Variants in SBK1 observed in about 807,000 individuals in gnomAD.
The protein encoded by SBK1 is SH3 domain binding kinase 1, also known as serine/threonine-protein kinase SBK1.
A neutral mutation model predicts 24.4 loss-of-function variants in SBK1; 11 were observed. The ratio of observed to expected loss-of-function variants is 0.45; its 90% CI spans 0.28 to 0.75. The LOEUF (loss-of-function observed/expected upper bound fraction) is 0.75, where lower values mean the gene tolerates loss of function less well. Ranked by LOEUF, SBK1 falls within the 30% of genes least tolerant of loss-of-function variation. SBK1 has a pLI of 0.12. For synonymous variants in SBK1, 308 were observed against 284.4 expected (o/e 1.08, Z -0.83); for missense variants, 467 against 620.5 (o/e 0.75, Z 2.63).
intron 1 of SBK1, among the ~76,000 whole-genome samples, chr16:28,280,149 A>ATATATATATATATATATATG (rs1230385223): frequency 2.5e-5 from 1 of 39,414 alleles, no homozygotes; most frequent in African/African-American, 8.2e-5. Context: ...ATATATATAT[A>ATATATATATATATATATATG]TGTGTGTGTG....
Position 28,310,062 on chromosome 16 carries a change from C to A in SBK1, c.-7-7323C>A, listed in dbSNP as rs1596551933. Among the ~76,000 whole-genome samples the A allele has an allele frequency of 2.0e-5, 3 of 152,344 alleles. No homozygotes were observed. The East Asian group carries it at 5.8e-4, about 29-fold the overall frequency. On this transcript the variant is annotated intron_variant, in intron 1 of 3. Transcript: ENST00000341901. ...TCTTGCTTGGGAAACCCTCCCCCAC[C>A]ACGGTGGCCCTCCCAGCTTGTGGCA... is the stretch of plus-strand genomic sequence containing the variant.
rs1164080277 is a variant in SBK1 at position 28,293,195 on chromosome 16, C to T, written c.-113C>T. ...ACTGAGCCCCTGGCGGCACCGCTTG[C>T]ACCCCGGTCCATGGTCGTGGCGCCC... On this transcript the variant is annotated 5_prime_UTR_variant, in exon 1 of 4. Transcript: ENST00000341901. 3.0e-6 allele frequency: 3 copies of T among 985,390 alleles called. No individual in the cohort carries two copies. The highest frequency in any genetic ancestry group is 9.4e-5 in the South Asian group (2 of 21,300). The allele number at this position is 985,390 out of a possible 1,614,324, so 61.0% of individuals were successfully genotyped here.
intron 1 of SBK1, among the ~76,000 whole-genome samples, chr16:28,283,464 C>G (rs757899376): frequency 1.3e-5 from 2 of 152,146 alleles, no homozygotes; most frequent in Non-Finnish European, 2.9e-5. Context: ...TTCCTGCTTG[C>G]GGCAACTCCA....
chr16:28,307,118 AAC>A (rs2044722174), intron 1 of SBK1, among the ~76,000 whole-genome samples: 1 of 152,146 alleles, frequency 6.6e-6, no homozygotes, highest in East Asian at 1.9e-4. Context: ...GGCCGCTGTG[AAC>A]AGAGAGGCTG....
intron 1 of SBK1, among the ~76,000 whole-genome samples, chr16:28,275,840 G>T (rs998843146): frequency 6.6e-6 from 1 of 151,886 alleles, no homozygotes; most frequent in Non-Finnish European, 1.5e-5. Context: ...CTGCACCACT[G>T]CACTCCAGCA....
In SBK1 at chr16:28,317,045, T is replaced by TG. The variant is rs1567680340; in HGVS notation, c.-7-337dup. On this transcript the variant is annotated intron_variant, in intron 1 of 3. Coordinates refer to ENST00000341901, the MANE Select transcript of SBK1 (RefSeq NM_001024401.3). This position sits in a 1 kb window ranked among gnomAD's most constrained non-coding sequence, Gnocchi z 4.2. ...TCCAAATAAAACCAACGCTTCTGAA[T>TG]GGGAGTACCCGTGTGAACTCGGTAT... 6.6e-6 allele frequency among the ~76,000 whole-genome samples: 1 copy of TG among 152,194 alleles called. No individual in the cohort carries two copies. Among genetic ancestry groups the TG allele is most frequent in the African/African-American group, 2.4e-5 (1 of 41,438 alleles).
intron 1 of SBK1, among the ~76,000 whole-genome samples, chr16:28,269,648 A>C (rs1216418765): frequency 6.6e-6 from 1 of 151,536 alleles, no homozygotes; most frequent in Non-Finnish European, 1.5e-5. Flanking sequence ...CAGCAGGATC[A>C]GTTGAGGTCA....
chr16:28,295,553 C>T (rs2044632625), intron 1 of SBK1, among the ~76,000 whole-genome samples: 1 of 152,094 alleles, frequency 6.6e-6, no homozygotes, highest in African/African-American at 2.4e-5. Flanking sequence ...CTCCAGGAGA[C>T]GGGAACCAGG....
rs1248734401 is a variant in SBK1, at chr16:28,259,697, C to G, written c.257+195C>G. ...ACAGCCTCCTTCCTATCTCCCCCACCCTAGCCCCAGAGTGGCTTTCACGTC... is the reference window on the plus strand; with the variant it reads ...ACAGCCTCCTTCCTATCTCCCCCACGCTAGCCCCAGAGTGGCTTTCACGTC... On this transcript the variant is annotated intron_variant, in intron 1 of 3. Coordinates refer to the SBK1 transcript ENST00000671413. The surrounding 1 kb of genome is among the most constrained non-coding windows in gnomAD (Gnocchi z 6.0). 3.3e-5 allele frequency among the ~76,000 whole-genome samples: 5 copies of G among 152,190 alleles called. No individual in the cohort carries two copies. In the South Asian group the frequency reaches 6.2e-4, roughly 19 times the overall value.
At chr16:28,261,412 CAGTG>C (rs1243167111) in intron 1 of SBK1, among the ~76,000 whole-genome samples, 1 of 149,632 alleles carries the variant, frequency 6.7e-6, no homozygotes, top group Non-Finnish European at 1.5e-5. Context: ...CTAGGCAACA[CAGTG>C]AGACTCCCGT....
chr16:28,273,965 A>G (rs1442035716), intron 1 of SBK1, among the ~76,000 whole-genome samples: 1 of 152,220 alleles, frequency 6.6e-6, no homozygotes, highest in African/African-American at 2.4e-5. Flanking sequence ...AGCCAGTCTG[A>G]AAAGTACTAT....
intron 1 of SBK1, among the ~76,000 whole-genome samples, chr16:28,272,397 A>T (rs1195557519): frequency 6.6e-6 from 1 of 151,762 alleles, no homozygotes; most frequent in Non-Finnish European, 1.5e-5. Context: ...GAGCTTATTC[A>T]TCTTGCTTTA....
intron 1 of SBK1, among the ~76,000 whole-genome samples, chr16:28,312,937 C>T (rs909495098): frequency 4.6e-5 from 7 of 152,244 alleles, no homozygotes; most frequent in Middle Eastern, 6.8e-3. Context: ...AGTTCGAGAC[C>T]AGCCTGACCA....
rs1483223362 is a variant in SBK1, at chr16:28,292,690, G to A, written c.-618G>A. ...GACCGAGCCCCCCAGCGGCTGAGGG[G>A]CTTCCAGCGCCCGCCGGTGGCCGGG... On this transcript the variant is annotated 5_prime_UTR_variant, in exon 1 of 4. Coordinates refer to ENST00000341901, the MANE Select transcript of SBK1 (RefSeq NM_001024401.3). The A allele has an allele frequency of 2.0e-6, 2 of 984,340 alleles. No homozygotes were observed. The highest frequency in any genetic ancestry group is 3.5e-5 in the African/African-American group (2 of 57,114). 61.0% of individuals were successfully genotyped at this position (984,340 alleles called of 1,614,324 possible). A position where few individuals can be genotyped will look rare whatever the true frequency, so the allele number is the denominator to read the frequency against.
chr16:28,317,918 G>T lies in SBK1; in HGVS notation c.226+301G>T, dbSNP rs1464091658. On this transcript the variant is annotated intron_variant, in intron 2 of 3. Coordinates refer to ENST00000341901, the MANE Select transcript of SBK1 (RefSeq NM_001024401.3). The surrounding 1 kb of genome is among the most constrained non-coding windows in gnomAD (Gnocchi z 4.2). The stretch of plus-strand genomic sequence containing the variant: ...AGGGGCTGTGCCAGGAGTGTCTGGG[G>T]AGGGCAGGGCTGCCGGCTGTGTCTG... Among the ~76,000 whole-genome samples, 1 of 151,924 alleles carries T rather than the reference G, an allele frequency of 6.6e-6. No homozygotes were observed. Among genetic ancestry groups the T allele is most frequent in the African/African-American group, 2.4e-5 (1 of 41,322 alleles).
intron 1 of SBK1, among the ~76,000 whole-genome samples, chr16:28,279,413 C>CAAAAAAAAA (rs34582546): frequency 1.2e-5 from 1 of 84,762 alleles, no homozygotes; most frequent in Admixed American, 1.6e-4. Flanking sequence ...AAAACAAAAC[C>CAAAAAAAAA]AAAAAAAAAA....
At chr16:28,288,440 C>G (rs1321874484), upstream of SBK1, among the ~76,000 whole-genome samples, 1 of 152,218 alleles carries the variant, frequency 6.6e-6, no homozygotes, top group African/African-American at 2.4e-5. Flanking sequence ...CTGTGAGCCT[C>G]TCTTTCTATG....
At chr16:28,305,926 G>A (rs2044713623) in intron 1 of SBK1, among the ~76,000 whole-genome samples, 1 of 152,162 alleles carries the variant, frequency 6.6e-6, no homozygotes, top group African/African-American at 2.4e-5. Flanking sequence ...ATTTTCAGTG[G>A]ATTCTTGAAT....
intron 1 of SBK1, among the ~76,000 whole-genome samples, chr16:28,260,383 G>A (rs74907775): frequency 0.02 from 3,032 of 152,230 alleles, 37 homozygotes; most frequent in Middle Eastern, 0.054. Flanking sequence ...CTCTGGGAGT[G>A]ATCTGCAAGG....
Sources: allele counts gnomAD v4.1 joint callset (sites outside exome capture counted in the v4.1 genomes callset), GRCh38; gene constraint gnomAD v4.1.1; non-coding constraint Gnocchi (gnomAD v3.1); transcripts MANE v1.5; gene names NCBI Gene and HGNC (gene_info 2026-07-23, HGNC 2026-07-21).